The following RPTOR variants were observed in gnomAD, a reference collection of about 807,000 sequenced individuals.
The protein encoded by RPTOR is regulatory-associated protein of mTOR.
RPTOR carries 21 observed loss-of-function variants against 169.9 expected under a neutral mutation model. The ratio of observed to expected loss-of-function variants is 0.12; its 90% CI spans 0.09 to 0.18. The LOEUF (loss-of-function observed/expected upper bound fraction) is 0.18. Ranked by LOEUF, RPTOR falls within the 10% of genes least tolerant of loss-of-function variation. RPTOR has a pLI of 1.00. For synonymous variants in RPTOR, 732 were observed against 753.2 expected (o/e 0.97, Z 0.46); for missense variants, 1,133 against 1,855.9 (o/e 0.61, Z 7.16).
At chr17:80,767,278 G>A (rs2066797426) in intron 6 of RPTOR, among the ~76,000 whole-genome samples, 1 of 152,194 alleles carries the variant, frequency 6.6e-6, no homozygotes, top group Admixed American at 6.5e-5. Flanking sequence ...GGCTGAGGTG[G>A]GAGGATCACT....
chr17:80,665,019 C>T (rs978075358), intron 3 of RPTOR, among the ~76,000 whole-genome samples: 4 of 152,146 alleles, frequency 2.6e-5, no homozygotes, highest in Non-Finnish European at 5.9e-5. Context: ...ACCCCTTTCT[C>T]CCTCCTTTCT....
At chr17:80,558,829 C>G (rs2084442933) in intron 1 of RPTOR, among the ~76,000 whole-genome samples, 2 of 152,184 alleles carry the variant, frequency 1.3e-5, no homozygotes, top group African/African-American at 4.8e-5. Context: ...CCGCCCGTCA[C>G]CCAGGATCAC....
At chr17:80,935,904 CAGTT>C (rs1365731529) in intron 24 of RPTOR, among the ~76,000 whole-genome samples, 1 of 152,044 alleles carries the variant, frequency 6.6e-6, no homozygotes, top group Non-Finnish European at 1.5e-5. Flanking sequence ...TTTTTAAAGA[CAGTT>C]AAGAAAATGA....
At position 80,743,864 on chromosome 17, in the gene RPTOR, TACTAGCACAGC is replaced by T. The variant is rs1567887549; in HGVS notation, c.655-10145_655-10135del. On this transcript the variant is annotated intron_variant, in intron 5 of 33. Coordinates refer to ENST00000306801, the MANE Select transcript of RPTOR (RefSeq NM_020761.3). ...CCCTGGTTACTAGCAGAGCCCTGGC[TACTAGCACAGC>T]CCTGGCTACTAGCACTGTCCTGGTT... Among the ~76,000 whole-genome samples, 12 of 123,412 alleles carry T rather than the reference TACTAGCACAGC, an allele frequency of 9.7e-5. 1 individual carries two copies. The highest frequency in any genetic ancestry group is 1.4e-4 in the Non-Finnish European group (8 of 57,664). 81.0% of individuals were successfully genotyped at this position (123,412 alleles called of 152,430 possible).
intron 6 of RPTOR, among the ~76,000 whole-genome samples, chr17:80,768,460 C>A (rs59920425): frequency 0.16 from 24,267 of 152,156 alleles, 2,442 homozygotes; most frequent in Non-Finnish European, 0.22. Context: ...TAAGACTGTG[C>A]AGTTCAGCCC....
rs2068143383 is a variant in RPTOR at position 80,878,149 on chromosome 17, A to G, written c.1510-2266A>G. On this transcript the variant is annotated intron_variant, in intron 13 of 33. Transcript: ENST00000306801. This position sits in a 1 kb window ranked among gnomAD's most constrained non-coding sequence, Gnocchi z 4.1. The stretch of plus-strand genomic sequence containing the variant: ...TGGCCTTCGTCCTCTGGAAAGGAGC[A>G]TGCTGGGAGCTGGCAGAACGCACGC... 6.6e-6 allele frequency among the ~76,000 whole-genome samples: 1 copy of G among 152,326 alleles called. No homozygotes were observed. Among genetic ancestry groups the G allele is most frequent in the Non-Finnish European group, 1.5e-5 (1 of 68,038 alleles).
chr17:80,849,401 G>A (rs2067769182), intron 11 of RPTOR, among the ~76,000 whole-genome samples: 1 of 152,180 alleles, frequency 6.6e-6, no homozygotes, highest in Admixed American at 6.5e-5. Context: ...CATGGAACAG[G>A]CCCTTCCTGC....
rs890560988 is a variant in RPTOR at position 80,959,496 on chromosome 17, G to A, written c.3478-582G>A. ...AGTGCACAACCCAGCACCGCCCATC[G>A]TGCGTGGAAAGCGCTCTCCCTCTCG... On this transcript the variant is annotated intron_variant, in intron 29 of 33. Transcript: ENST00000306801. The surrounding 1 kb of genome is among the most constrained non-coding windows in gnomAD (Gnocchi z 6.7). Among the ~76,000 whole-genome samples, 10 of 152,140 alleles carry A rather than the reference G, an allele frequency of 6.6e-5. No individual in the cohort carries two copies. Among genetic ancestry groups the A allele is most frequent in the Non-Finnish European group, 1.5e-4 (10 of 68,010 alleles).
intron 3 of RPTOR, among the ~76,000 whole-genome samples, chr17:80,689,430 G>A (rs1285073077): frequency 6.6e-6 from 1 of 152,234 alleles, no homozygotes; most frequent in Non-Finnish European, 1.5e-5. Flanking sequence ...CCTCTGCTGA[G>A]TGTGGGCAGT....
intron 3 of RPTOR, among the ~76,000 whole-genome samples, chr17:80,666,747 C>G (rs1268535611): frequency 6.6e-6 from 1 of 152,274 alleles, no homozygotes; most frequent in Admixed American, 6.5e-5. Flanking sequence ...TGCAGAGCCT[C>G]GTGGGGAGAT....
intron 7 of RPTOR, among the ~76,000 whole-genome samples, chr17:80,796,560 C>G (rs904474651): frequency 1.3e-5 from 2 of 152,206 alleles, no homozygotes; most frequent in Non-Finnish European, 2.9e-5. Context: ...CAGCCACTCC[C>G]ATAATCCAGT....
chr17:80,627,455 T>C (rs1247951972), intron 2 of RPTOR, among the ~76,000 whole-genome samples: 1 of 152,260 alleles, frequency 6.6e-6, no homozygotes, highest in African/African-American at 2.4e-5. Context: ...GGAAGTTCCC[T>C]TGGGTCCCTT....
chr17:80,905,738 C>T (rs945675900), intron 20 of RPTOR, among the ~76,000 whole-genome samples: 2 of 152,206 alleles, frequency 1.3e-5, no homozygotes, highest in Admixed American at 1.3e-4. Context: ...GCGTCTGTGG[C>T]CCCCACATTG....
At chr17:80,761,198 T>C (rs901429621) in intron 6 of RPTOR, among the ~76,000 whole-genome samples, 2 of 152,236 alleles carry the variant, frequency 1.3e-5, no homozygotes, top group Non-Finnish European at 2.9e-5. Flanking sequence ...TTATTACGCG[T>C]CTATTTGTAT....
intron 3 of RPTOR, among the ~76,000 whole-genome samples, chr17:80,688,232 T>C (rs943914587): frequency 1.3e-5 from 2 of 152,176 alleles, no homozygotes; most frequent in African/African-American, 4.8e-5. Flanking sequence ...TCACAGAAAC[T>C]AGAAGTTAGA....
intron 21 of RPTOR, among the ~76,000 whole-genome samples, chr17:80,918,526 G>GA (rs2068706688): frequency 4.1e-5 from 2 of 48,592 alleles, no homozygotes; most frequent in African/African-American, 1.4e-4. Context: ...CCCTCGCGGG[G>GA]GTCATAGCCA....
intron 5 of RPTOR, among the ~76,000 whole-genome samples, chr17:80,742,705 CAT>C (rs1277918964): frequency 1.8e-4 from 28 of 151,472 alleles, no homozygotes; most frequent in Non-Finnish European, 1.2e-4. Flanking sequence ...ACATAGACAC[CAT>C]AGACACACCC....
chr17:80,753,628 G>A lies in RPTOR; in HGVS notation c.655-382G>A, dbSNP rs529429553. ...AGCCTGGGCGACAGAGCGAAACTCC[G>A]TCTCAAAAAAAAAAAAAAAAAAAAG... On this transcript the variant is annotated intron_variant, in intron 5 of 33. Coordinates refer to ENST00000306801, the MANE Select transcript of RPTOR (RefSeq NM_020761.3). 2.0e-4 allele frequency among the ~76,000 whole-genome samples: 11 copies of A among 56,292 alleles called. No individual in the cohort carries two copies. In the South Asian group the frequency reaches 5.6e-3, roughly 29 times the overall value. 36.9% of individuals were successfully genotyped at this position (56,292 alleles called of 152,430 possible).
At chr17:80,637,060 T>C (rs2065513233) in intron 2 of RPTOR, among the ~76,000 whole-genome samples, 1 of 152,174 alleles carries the variant, frequency 6.6e-6, no homozygotes, top group African/African-American at 2.4e-5. Context: ...GTGCTTTATG[T>C]AGAACCCTGA....
Sources: allele counts gnomAD v4.1 joint callset (sites outside exome capture counted in the v4.1 genomes callset), GRCh38; gene constraint gnomAD v4.1.1; non-coding constraint Gnocchi (gnomAD v3.1); transcripts MANE v1.5; gene names NCBI Gene and HGNC (gene_info 2026-07-23, HGNC 2026-07-21).